Variants in SIRPG observed in about 807,000 individuals in gnomAD.
The protein encoded by SIRPG is signal regulatory protein gamma.
In SIRPG, 38 loss-of-function variants were observed where a neutral mutation model predicts 35.7. The ratio of observed to expected loss-of-function variants is 1.06; its 90% CI spans 0.82 to 1.40. The LOEUF (loss-of-function observed/expected upper bound fraction) is 1.40, where lower values mean the gene tolerates loss of function less well. Ranked by LOEUF, SIRPG falls within the 40% of genes most tolerant of loss-of-function variation. The pLI is 0.00. For synonymous variants in SIRPG, 215 were observed against 190.4 expected (o/e 1.13, Z -1.06); for missense variants, 519 against 483.0 (o/e 1.07, Z -0.70).
In SIRPG at chr20:1,657,684, G is replaced by A; in HGVS notation, c.31C>T (p.Pro11Ser). Residue 11 changes from proline (P) to serine (S), a missense_variant, in exon 1 of 6, where the codon CCT (proline) becomes TCT (serine). By Grantham distance (74) the Pro-to-Ser change is moderately conservative. Coordinates refer to ENST00000303415, the MANE Select transcript of SIRPG (RefSeq NM_018556.4). MPVPASWPHP[P>S]GPFLLLTLLL... Reference sequence around the variant, plus strand: ...AGAGTCAGAAGCAGGAAAGGACCAGGAGGATGGGGCCAGGAGGCTGGGACA... The same window carrying A: ...AGAGTCAGAAGCAGGAAAGGACCAGAAGGATGGGGCCAGGAGGCTGGGACA... 1 of 1,614,200 alleles carries A rather than the reference G, an allele frequency of 6.2e-7. No individual in the cohort carries two copies. The highest frequency in any genetic ancestry group is 1.1e-5 in the South Asian group (1 of 91,086).
intron 2 of SIRPG, among the ~76,000 whole-genome samples, chr20:1,643,260 G>A (rs2091869445): frequency 6.6e-6 from 1 of 151,998 alleles, no homozygotes; most frequent in South Asian, 2.1e-4. Flanking sequence ...CTGAGGTTTT[G>A]TTCATTCCTT....
chr20:1,649,401 T>G lies in SIRPG; in HGVS notation c.81A>C (p.Ala27=), dbSNP rs767440312. 1.9e-6 allele frequency: 3 copies of G among 1,601,034 alleles called. No homozygotes were observed. Among genetic ancestry groups the G allele is most frequent in the Non-Finnish European group, 2.6e-6 (3 of 1,171,842 alleles). The change falls in exon 2 of 6, where the codon GCA becomes GCC. Residue 27 remains alanine, a synonymous_variant. Transcript: ENST00000303415. ...GAATCATCTGTAGCTCCTCCTCACC[T>G]GCCACTTCTGAAAAGGAGCACAAAG... The part of the protein sequence containing the change: ...LTLLLGLTEV[A]GEEELQMIQP...
chr20:1,680,274 C>A, the SIRPG span, among the ~76,000 whole-genome samples: 7 of 152,178 alleles, frequency 4.6e-5, no homozygotes, highest in African/African-American at 1.4e-4. Flanking sequence ...GATGCAGAAA[C>A]AATGCCCCTC....
intron 4 of SIRPG, 69 bp from the exon 5 acceptor site, chr20:1,630,375 T>C (rs2091740582): frequency 8.0e-7 from 1 of 1,252,816 alleles, no homozygotes; most frequent in African/African-American, 1.5e-5. Flanking sequence ...GGCCTCCACT[T>C]ACCCCATCTG....
the SIRPG span, among the ~76,000 whole-genome samples, chr20:1,668,478 T>C: frequency 1.3e-5 from 2 of 151,998 alleles, no homozygotes; most frequent in African/African-American, 4.8e-5. Context: ...GAGATGGGGT[T>C]TCACCATGTT....
rs148883600 is a variant in SIRPG at position 1,635,450 on chromosome 20, G to C, written c.898C>G (p.Leu300Val). ...TAGGTACCATCCTTGTTCTCTGTAA[G>C]GGTCGAGGCTGTTTCTCTCTGGCAC... ...NVCQRETAST[L>V]TENKDGTYNW... Residue 300 changes from leucine (L) to valine (V), a missense_variant, in exon 4 of 6, where the codon CTT (leucine) becomes GTT (valine). By Grantham distance (32) the Leu-to-Val change is conservative (BLOSUM62 1). Transcript: ENST00000303415. 2.5e-5 allele frequency: 41 copies of C among 1,614,028 alleles called. No individual in the cohort carries two copies. Among genetic ancestry groups the C allele is most frequent in the Non-Finnish European group, 3.4e-5 (40 of 1,180,028 alleles).
chr20:1,685,377 G>A, the SIRPG span, among the ~76,000 whole-genome samples: 3 of 152,060 alleles, frequency 2.0e-5, no homozygotes, highest in Admixed American at 6.5e-5. Context: ...GAGGTCATTG[G>A]GGGGGTCTTA....
At chr20:1,633,739 G>T in intron 4 of SIRPG, 1 of 152,254 alleles carries the variant, frequency 6.6e-6, no homozygotes, top group Non-Finnish European at 1.5e-5. Context: ...GAGGAACCTG[G>T]GCCTTTGAAA....
rs377266515 is a variant in SIRPG at position 1,643,353 on chromosome 20, G to A, written c.430+5699C>T. Among the ~76,000 whole-genome samples, 26 of 152,010 alleles carry A rather than the reference G, an allele frequency of 1.7e-4. 1 individual carries two copies. The East Asian group carries it at 2.7e-3, about 16-fold the overall frequency. On this transcript the variant is annotated intron_variant, in intron 2 of 5. Transcript: ENST00000303415. ...ACTCTGATATCCTTTCTTCTGTTTG[G>A]TTGATTCCACTACTGATACTTGTGT...
chr20:1,666,176 G>A, the SIRPG span, among the ~76,000 whole-genome samples: 1 of 149,400 alleles, frequency 6.7e-6, no homozygotes, highest in Non-Finnish European at 1.5e-5. Flanking sequence ...CATAGAATAA[G>A]GATGTAAAGA....
At chr20:1,660,118 T>C (rs1013011764), upstream of SIRPG, among the ~76,000 whole-genome samples, 1 of 152,094 alleles carries the variant, frequency 6.6e-6, no homozygotes, top group African/African-American at 2.4e-5. Flanking sequence ...ACATCAGGCA[T>C]GTAATAATAT....
At chr20:1,677,752 T>C in the SIRPG span, among the ~76,000 whole-genome samples, 4 of 152,150 alleles carry the variant, frequency 2.6e-5, no homozygotes, top group Non-Finnish European at 5.9e-5. Context: ...AATAAAATGG[T>C]ACTGACCAGG....
At chr20:1,658,654 G>C (rs1395281724), upstream of SIRPG, among the ~76,000 whole-genome samples, 1 of 152,174 alleles carries the variant, frequency 6.6e-6, no homozygotes, top group African/African-American at 2.4e-5. Context: ...GGAATAGTAA[G>C]TCTTTTTGTG....
the SIRPG span, among the ~76,000 whole-genome samples, chr20:1,669,057 G>T: frequency 6.6e-6 from 1 of 152,170 alleles, no homozygotes; most frequent in African/African-American, 2.4e-5. Context: ...TTGTATGAGA[G>T]GGAAACAGGA....
chr20:1,659,250 A>T (rs1389526150), upstream of SIRPG, among the ~76,000 whole-genome samples: 2 of 152,240 alleles, frequency 1.3e-5, no homozygotes, highest in African/African-American at 2.4e-5. Context: ...CCTGTCCAGA[A>T]TCCTTCATCT....
chr20:1,678,924 GGAATGA>G, the SIRPG span, among the ~76,000 whole-genome samples: 1 of 152,140 alleles, frequency 6.6e-6, no homozygotes, highest in Non-Finnish European at 1.5e-5. Flanking sequence ...ACAAGACAGA[GGAATGA>G]TATGTTTAAA....
At chr20:1,644,214 C>T (rs978244308) in intron 2 of SIRPG, among the ~76,000 whole-genome samples, 5 of 152,210 alleles carry the variant, frequency 3.3e-5, no homozygotes, top group Admixed American at 6.5e-5. Context: ...CACCCCTCCC[C>T]CTAGGGGCTC....
Position 1,649,168 on chromosome 20 carries a change from C to T in SIRPG, c.314G>A (p.Arg105His), listed in dbSNP as rs200001337. 61 of 1,613,922 alleles carry T rather than the reference C, an allele frequency of 3.8e-5. No homozygotes were observed. Among genetic ancestry groups the T allele is most frequent in the Non-Finnish European group, 5.0e-5 (59 of 1,180,018 alleles). Residue 105 changes from arginine (R) to histidine (H), a missense_variant, in exon 2 of 6, where the codon CGC becomes CAC. Arg to His is a conservative substitution (Grantham distance 29). Transcript: ENST00000303415. ...ATCTGCTGGGGTGATGCTACTGATG[C>T]GGATGGAAAAGTCCATGTTGTTTCT... The part of the protein sequence containing the change: ...TKRNNMDFSI[R>H]ISSITPADVG...
chr20:1,664,285 G>A, the SIRPG span, among the ~76,000 whole-genome samples: 1 of 152,036 alleles, frequency 6.6e-6, no homozygotes, highest in Non-Finnish European at 1.5e-5. Flanking sequence ...AAACTATCTT[G>A]GATGCTTAAA....
Sources: allele counts gnomAD v4.1 joint callset (sites outside exome capture counted in the v4.1 genomes callset), GRCh38; gene constraint gnomAD v4.1.1; transcripts MANE v1.5; gene names NCBI Gene and HGNC (gene_info 2026-07-23, HGNC 2026-07-21).